PRKN: variants seen among roughly 807,000 people sequenced by gnomAD.
PRKN encodes E3 ubiquitin-protein ligase parkin.
In PRKN, 56 loss-of-function variants were observed where a neutral mutation model predicts 59.5. That is an observed-to-expected ratio of 0.94 (90% confidence interval 0.76 to 1.18). PRKN has a LOEUF of 1.18. PRKN is among the 50% of genes most tolerant of loss of function. The probability of loss-of-function intolerance (pLI) is 0.00; values close to 1 mark genes in which losing one functional copy is unlikely to be tolerated. For synonymous variants in PRKN, 250 were observed against 222.1 expected, an observed-to-expected ratio of 1.13 and a Z score of -1.12; for missense variants, 657 against 596.4, an observed-to-expected ratio of 1.10 and a Z score of -1.06.
intron 1 of PRKN, among the ~76,000 whole-genome samples, chr6:162,597,588 T>C (rs1364874949): frequency 6.6e-6 from 1 of 152,226 alleles, no homozygotes; most frequent in African/African-American, 2.4e-5. Flanking sequence ...CAGTTTTGTC[T>C]AATTGTTTCA....
At chr6:162,340,042 T>C (rs975291019) in intron 2 of PRKN, among the ~76,000 whole-genome samples, 1 of 146,798 alleles carries the variant, frequency 6.8e-6, no homozygotes, top group Non-Finnish European at 1.5e-5. Context: ...CCAGAGACCT[T>C]TGTTCACTTG....
intron 1 of PRKN, among the ~76,000 whole-genome samples, chr6:162,607,849 G>C (rs566098640): frequency 3.3e-5 from 5 of 152,268 alleles, no homozygotes; most frequent in South Asian, 2.1e-4. Context: ...GACTGAGCAG[G>C]AGTCTGGAAA....
At chr6:162,263,282 C>T (rs1779976814) in intron 2 of PRKN, 1 of 199,700 alleles carries the variant, frequency 5.0e-6, no homozygotes, top group South Asian at 8.8e-5. Context: ...TGATTGACAT[C>T]AGAATTGATA....
intron 1 of PRKN, among the ~76,000 whole-genome samples, chr6:162,696,798 G>A (rs906286340): frequency 1.3e-5 from 2 of 151,714 alleles, no homozygotes; most frequent in South Asian, 2.1e-4. Context: ...CATCTACCTC[G>A]GCCTCCCAAG....
intron 1 of PRKN, among the ~76,000 whole-genome samples, chr6:162,646,411 T>C (rs1174924081): frequency 1.3e-5 from 2 of 152,070 alleles, no homozygotes; most frequent in East Asian, 3.9e-4. Context: ...TAGCTAGGAC[T>C]ACAGATACAT....
At chr6:161,962,653 C>G (rs1780426590) in intron 6 of PRKN, among the ~76,000 whole-genome samples, 1 of 151,576 alleles carries the variant, frequency 6.6e-6, no homozygotes, top group Non-Finnish European at 1.5e-5. Context: ...TCTCCTAACT[C>G]AGCCTCCTGA....
At chr6:162,083,872 T>C (rs1000039790) in intron 4 of PRKN, among the ~76,000 whole-genome samples, 5 of 152,002 alleles carry the variant, frequency 3.3e-5, no homozygotes, top group African/African-American at 1.2e-4. Context: ...CATATATGAA[T>C]TGACAGCATT....
chr6:161,486,139 G>T (rs4142068), intron 9 of PRKN, among the ~76,000 whole-genome samples: 61,866 of 151,864 alleles, frequency 0.41, 15,356 homozygotes, highest in Middle Eastern at 0.58. Flanking sequence ...ATTTAGTTTT[G>T]TGAAAGACAC....
At chr6:162,030,739 A>G (rs896861706) in intron 5 of PRKN, among the ~76,000 whole-genome samples, 1 of 152,200 alleles carries the variant, frequency 6.6e-6, no homozygotes, top group East Asian at 1.9e-4. Flanking sequence ...AAGACAAGGG[A>G]GCAAGGTGCT....
At chr6:162,660,215 C>G (rs1024968104) in intron 1 of PRKN, among the ~76,000 whole-genome samples, 1 of 152,126 alleles carries the variant, frequency 6.6e-6, no homozygotes, top group African/African-American at 2.4e-5. Flanking sequence ...TTTTAAGCTT[C>G]AAAGCATGTC....
At chr6:161,909,020 C>G (rs980821691) in intron 6 of PRKN, among the ~76,000 whole-genome samples, 1 of 152,190 alleles carries the variant, frequency 6.6e-6, no homozygotes, top group Non-Finnish European at 1.5e-5. Flanking sequence ...GGCGCTGTGT[C>G]ACTCTCAGGC....
At chr6:161,406,676 A>G (rs1285863840) in intron 9 of PRKN, among the ~76,000 whole-genome samples, 1 of 152,154 alleles carries the variant, frequency 6.6e-6, no homozygotes, top group African/African-American at 2.4e-5. Flanking sequence ...GGCCCCAGTC[A>G]TTTCCATTCT....
At chr6:162,108,585 C>T (rs1254537906) in intron 4 of PRKN, among the ~76,000 whole-genome samples, 1 of 152,114 alleles carries the variant, frequency 6.6e-6, no homozygotes, top group Non-Finnish European at 1.5e-5. Context: ...CTAAAGTTCT[C>T]TAACTACCAT....
intron 9 of PRKN, among the ~76,000 whole-genome samples, chr6:161,522,354 G>A (rs1288154261): frequency 1.3e-5 from 2 of 152,126 alleles, no homozygotes. Context: ...CGAGGCGATG[G>A]ATCAGTAGAA....
chr6:161,882,351 C>A (rs988258967), intron 6 of PRKN, among the ~76,000 whole-genome samples: 1 of 152,018 alleles, frequency 6.6e-6, no homozygotes, highest in Non-Finnish European at 1.5e-5. Flanking sequence ...GGGGCGGGGG[C>A]GTGCGGTGCA....
chr6:161,970,349 G>A (rs1011134155), intron 6 of PRKN, among the ~76,000 whole-genome samples: 1 of 151,336 alleles, frequency 6.6e-6, no homozygotes, highest in Admixed American at 6.6e-5. Flanking sequence ...GCCTGGCACA[G>A]AGAAAATTTA....
intron 4 of PRKN, among the ~76,000 whole-genome samples, chr6:162,181,290 T>C (rs1018656297): frequency 6.6e-6 from 1 of 152,222 alleles, no homozygotes; most frequent in Non-Finnish European, 1.5e-5. Flanking sequence ...ATTAATTACA[T>C]AAATCACACA....
intron 7 of PRKN, among the ~76,000 whole-genome samples, chr6:161,779,313 G>T (rs1159546438): frequency 6.6e-6 from 1 of 151,830 alleles, no homozygotes; most frequent in African/African-American, 2.4e-5. Flanking sequence ...GCTGTGCCCT[G>T]GGAGTAATAT....
At chr6:162,129,083 T>A (rs1040858141) in intron 4 of PRKN, among the ~76,000 whole-genome samples, 1 of 152,170 alleles carries the variant, frequency 6.6e-6, no homozygotes, top group African/African-American at 2.4e-5. Flanking sequence ...TAGGGACTGA[T>A]CAAAGGGTTT....
Sources: gnomAD v4.1 joint callset for allele counts (sites outside exome capture counted in the v4.1 genomes callset) on GRCh38, gnomAD v4.1.1 for gene constraint, MANE v1.5 for transcripts, NCBI Gene and HGNC (gene_info 2026-07-23, HGNC 2026-07-21) for gene names.